The following EYA4 variants were observed in gnomAD, a reference collection of about 807,000 sequenced individuals.
The protein encoded by EYA4 is EYA transcriptional coactivator and phosphatase 4.
EYA4 carries 31 observed loss-of-function variants against 87.9 expected under a neutral mutation model. The observed-to-expected ratio is 0.35, with a 90% CI of 0.27 to 0.48. EYA4 has a LOEUF of 0.48. EYA4 is among the 20% of genes least tolerant of loss of function. The probability of loss-of-function intolerance (pLI) is 0.99; values close to 1 mark genes in which losing one functional copy is unlikely to be tolerated. For missense variants in EYA4, 678 were observed against 761.4 expected (o/e 0.89, Z 1.29); for synonymous variants, 263 against 270.6 (o/e 0.97, Z 0.28).
intron 17 of EYA4, among the ~76,000 whole-genome samples, chr6:133,518,417 A>G (rs1799794176): frequency 1.3e-5 from 2 of 152,138 alleles, no homozygotes; most frequent in South Asian, 4.1e-4. Context: ...CCATATTGAT[A>G]CAATTGCAGT....
chr6:133,437,236 G>A lies in EYA4; in HGVS notation c.84-9394G>A, dbSNP rs1416761169. 2.6e-5 allele frequency among the ~76,000 whole-genome samples: 4 copies of A among 152,198 alleles called. No homozygotes were observed. The South Asian group carries it at 6.2e-4, about 24-fold the overall frequency. The stretch of plus-strand genomic sequence containing the variant: ...TATTATGAGCAGTGTACATTTGGCA[G>A]AGCAGATCCTTATATTGACTTTAGT... On this transcript the variant is annotated intron_variant, in intron 3 of 19. Transcript: ENST00000355286.
chr6:133,330,353 T>A (rs13194374), intron 2 of EYA4, among the ~76,000 whole-genome samples: 16,111 of 152,028 alleles, frequency 0.11, 947 homozygotes, highest in South Asian at 0.14. Context: ...GACAGCACAA[T>A]TGATTGCTCT....
chr6:133,439,071 A>G (rs1792006687), intron 3 of EYA4, among the ~76,000 whole-genome samples: 1 of 151,374 alleles, frequency 6.6e-6, no homozygotes, highest in Non-Finnish European at 1.5e-5. Context: ...AAAAAAAAAA[A>G]AAAAAGTCTT....
intron 1 of EYA4, among the ~76,000 whole-genome samples, chr6:133,249,976 T>C (rs1199733002): frequency 2.0e-5 from 3 of 152,170 alleles, no homozygotes; most frequent in South Asian, 4.1e-4. Flanking sequence ...GGACATATAG[T>C]CAGTAGGTAG....
At chr6:133,365,446 A>G (rs1784786658) in intron 2 of EYA4, among the ~76,000 whole-genome samples, 2 of 152,190 alleles carry the variant, frequency 1.3e-5, no homozygotes, top group South Asian at 4.1e-4. Context: ...GAGTGACAAC[A>G]TGGAGAGGCC....
intron 2 of EYA4, among the ~76,000 whole-genome samples, chr6:133,353,194 T>C (rs776962534): frequency 6.6e-6 from 1 of 152,154 alleles, no homozygotes; most frequent in Non-Finnish European, 1.5e-5. Flanking sequence ...TTATCCTCTA[T>C]GTCTACTTGA....
chr6:133,487,080 TGGG>T (rs1796747590), intron 13 of EYA4, among the ~76,000 whole-genome samples: 1 of 152,096 alleles, frequency 6.6e-6, no homozygotes, highest in South Asian at 2.1e-4. Context: ...TCTGTGCACT[TGGG>T]GGAGGGAGAG....
At chr6:133,251,981 T>TA (rs1774943608) in intron 1 of EYA4, among the ~76,000 whole-genome samples, 1 of 152,186 alleles carries the variant, frequency 6.6e-6, no homozygotes, top group African/African-American at 2.4e-5. Flanking sequence ...GATTTACAGA[T>TA]ACGCTTCACA....
intron 2 of EYA4, among the ~76,000 whole-genome samples, chr6:133,317,119 T>C (rs553536368): frequency 6.6e-6 from 1 of 152,164 alleles, no homozygotes; most frequent in Non-Finnish European, 1.5e-5. Context: ...AAACAGCTGC[T>C]CAAAACTGTA....
intron 2 of EYA4, among the ~76,000 whole-genome samples, chr6:133,362,133 G>T (rs532342294): frequency 3.9e-5 from 6 of 152,202 alleles, no homozygotes; most frequent in African/African-American, 7.2e-5. Flanking sequence ...TGTTCAGAAA[G>T]TATTAACCCT....
At chr6:133,438,997 G>T (rs917375130) in intron 3 of EYA4, among the ~76,000 whole-genome samples, 11 of 130,552 alleles carry the variant, frequency 8.4e-5, no homozygotes, top group Non-Finnish European at 1.7e-4. Context: ...AGCCAAGATG[G>T]CACCACTGCA....
At chr6:133,381,254 T>G (rs1435966192) in intron 2 of EYA4, among the ~76,000 whole-genome samples, 1 of 151,972 alleles carries the variant, frequency 6.6e-6, no homozygotes, top group Non-Finnish European at 1.5e-5. Flanking sequence ...AGAAAATAAT[T>G]GATTTCCCAG....
chr6:133,497,611 G>A lies in EYA4; in HGVS notation c.1192-8495G>A, dbSNP rs150053855. 2.4e-4 allele frequency among the ~76,000 whole-genome samples: 36 copies of A among 152,234 alleles called. No individual in the cohort carries two copies. The East Asian group carries it at 6.4e-3, about 27-fold the overall frequency. On this transcript the variant is annotated intron_variant, in intron 13 of 19. Coordinates refer to ENST00000355286, the MANE Select transcript of EYA4 (RefSeq NM_004100.5). ...CTCTAAAATAGGAGCTTGTAAATTC[G>A]ACAGGATGTAGACCAGGAATCATCC... is the stretch of plus-strand genomic sequence containing the variant.
chr6:133,435,332 G>T (rs902414583), intron 3 of EYA4: 9 of 152,270 alleles, frequency 5.9e-5, no homozygotes, highest in African/African-American at 2.2e-4. Context: ...TGGCCTCAGG[G>T]ACAGGGATGA....
At chr6:133,267,664 TG>T (rs1036692374) in intron 1 of EYA4, among the ~76,000 whole-genome samples, 42 of 152,326 alleles carry the variant, frequency 2.8e-4, no homozygotes, top group African/African-American at 9.1e-4. Context: ...ATTACAGGCA[TG>T]AACCACCACG....
At chr6:133,524,416 A>G (rs1800447910) in intron 18 of EYA4, among the ~76,000 whole-genome samples, 2 of 152,200 alleles carry the variant, frequency 1.3e-5, no homozygotes, top group South Asian at 4.1e-4. Flanking sequence ...AGTGAAATTT[A>G]GAGAATAATG....
In EYA4 at chr6:133,531,176, C is replaced by T; in HGVS notation, c.*2371C>T. On this transcript the variant is annotated 3_prime_UTR_variant, in exon 20 of 20. Coordinates refer to ENST00000355286, the MANE Select transcript of EYA4 (RefSeq NM_004100.5). ...GGTTGCATCACCCCGTGCAGTTTCT[C>T]ACACACATCTCTTTTTCTGATTCTG... 1 of 1,534,968 alleles carries T rather than the reference C, an allele frequency of 6.5e-7. No homozygotes were observed. Among genetic ancestry groups the T allele is most frequent in the Non-Finnish European group, 8.7e-7 (1 of 1,146,674 alleles).
intron 17 of EYA4, 79 bp downstream of exon 17, chr6:133,515,514 A>C (rs1583529294): frequency 1.1e-6 from 1 of 946,410 alleles, no homozygotes; most frequent in East Asian, 2.4e-5. Context: ...AAAATGTTTT[A>C]ATTCCTAGAC....
At chr6:133,288,205 A>G (rs1778221663) in intron 2 of EYA4, among the ~76,000 whole-genome samples, 1 of 152,184 alleles carries the variant, frequency 6.6e-6, no homozygotes, top group South Asian at 2.1e-4. Flanking sequence ...ACATTAAGTA[A>G]ATGAATGGGC....
Sources: gnomAD v4.1 joint callset for allele counts (sites outside exome capture counted in the v4.1 genomes callset) on GRCh38, gnomAD v4.1.1 for gene constraint, MANE v1.5 for transcripts, NCBI Gene and HGNC (gene_info 2026-07-23, HGNC 2026-07-21) for gene names.